FOXP2: variants seen among roughly 807,000 people sequenced by gnomAD.
FOXP2 encodes forkhead box protein P2.
In FOXP2, 12 loss-of-function variants were observed where a neutral mutation model predicts 115.8. The observed-to-expected ratio is 0.10, with a 90% CI of 0.07 to 0.17. The LOEUF is 0.17. Ranked by LOEUF, FOXP2 falls within the 10% of genes least tolerant of loss-of-function variation. FOXP2 has a pLI of 1.00. For synonymous variants in FOXP2, 328 were observed against 297.7 expected, an observed-to-expected ratio of 1.10 and a Z score of -1.05; for missense variants, 629 against 843.5, an observed-to-expected ratio of 0.75 and a Z score of 3.15.
At chr7:114,156,106 GCA>G (rs1792660592) in intron 1 of FOXP2, among the ~76,000 whole-genome samples, 2 of 152,016 alleles carry the variant, frequency 1.3e-5, no homozygotes, top group African/African-American at 4.8e-5. Flanking sequence ...GCCTCTTAAT[GCA>G]CATGCTTCCT....
At chr7:114,562,920 T>A (rs1189504689) in intron 3 of FOXP2, among the ~76,000 whole-genome samples, 1 of 152,156 alleles carries the variant, frequency 6.6e-6, no homozygotes, top group Non-Finnish European at 1.5e-5. Context: ...TACCTGAGAC[T>A]GGGTAACTTA....
chr7:114,191,566 A>G (rs758738682), intron 1 of FOXP2, among the ~76,000 whole-genome samples: 76 of 152,352 alleles, frequency 5.0e-4, no homozygotes, highest in Non-Finnish European at 8.1e-4. Flanking sequence ...CTGAAGAATT[A>G]TGAACATATA....
At chr7:114,295,312 A>C (rs1796715891) in intron 2 of FOXP2, among the ~76,000 whole-genome samples, 1 of 152,200 alleles carries the variant, frequency 6.6e-6, no homozygotes. Context: ...TTTTCATGGC[A>C]TCTAACAGTA....
In FOXP2 at chr7:114,663,381, G is replaced by A. The variant is rs938816834; in HGVS notation, c.1770-69G>A. The A allele has an allele frequency of 3.4e-4, 388 of 1,142,226 alleles. 2 individuals carry two copies. The highest frequency in any genetic ancestry group is 7.7e-5 in the African/African-American group (5 of 65,040). The allele number at this position is 1,142,226 out of a possible 1,614,324, so 70.8% of individuals were successfully genotyped here. ...AGACAAGCCAGAACATACCTTTATA[G>A]CTGAGACTATTGATATCCACGTTTT... On this transcript the variant is annotated intron_variant, in intron 14 of 16. Transcript: ENST00000350908.
intron 1 of FOXP2, among the ~76,000 whole-genome samples, chr7:114,123,930 A>G (rs1028538371): frequency 6.6e-6 from 1 of 152,062 alleles, no homozygotes; most frequent in African/African-American, 2.4e-5. Flanking sequence ...TATATTAAAA[A>G]ACTTTTGACA....
intron 1 of FOXP2, among the ~76,000 whole-genome samples, chr7:114,230,847 G>A (rs1420887719): frequency 3.3e-5 from 5 of 151,742 alleles, no homozygotes; most frequent in African/African-American, 1.2e-4. Flanking sequence ...ATTCAACACA[G>A]TACTCATAGT....
At chr7:114,384,463 AT>A (rs1402355245) in intron 2 of FOXP2, among the ~76,000 whole-genome samples, 1 of 152,032 alleles carries the variant, frequency 6.6e-6, no homozygotes, top group Non-Finnish European at 1.5e-5. Context: ...TTCTTAGGCA[AT>A]TTTTTAACTC....
intron 2 of FOXP2, among the ~76,000 whole-genome samples, chr7:114,359,240 G>A (rs1396281525): frequency 6.6e-6 from 1 of 152,212 alleles, no homozygotes; most frequent in Non-Finnish European, 1.5e-5. Context: ...TGCTGAGCCT[G>A]CAAGTGCACA....
At chr7:114,627,937 C>CATAT (rs1429769742) in intron 3 of FOXP2, among the ~76,000 whole-genome samples, 2 of 151,576 alleles carry the variant, frequency 1.3e-5, no homozygotes, top group African/African-American at 4.9e-5. Flanking sequence ...GACACACACA[C>CATAT]ACATATATAT....
intron 1 of FOXP2, among the ~76,000 whole-genome samples, chr7:114,144,946 A>G (rs1019414591): frequency 6.6e-6 from 1 of 152,180 alleles, no homozygotes; most frequent in African/African-American, 2.4e-5. Flanking sequence ...CTCTTCTGTT[A>G]GTTGCCTTGT....
At chr7:114,106,999 G>T (rs375589987) in intron 1 of FOXP2, among the ~76,000 whole-genome samples, 2 of 152,042 alleles carry the variant, frequency 1.3e-5, no homozygotes, top group East Asian at 3.9e-4. Flanking sequence ...CCTACTTTCT[G>T]TGTGTCATTT....
At chr7:114,466,157 C>G (rs1253444287) in intron 2 of FOXP2, among the ~76,000 whole-genome samples, 1 of 152,184 alleles carries the variant, frequency 6.6e-6, no homozygotes, top group Non-Finnish European at 1.5e-5. Flanking sequence ...TTCCAAACCT[C>G]AGTTCCTCAC....
intron 3 of FOXP2, among the ~76,000 whole-genome samples, chr7:114,625,866 C>A (rs1471790616): frequency 6.6e-6 from 1 of 151,520 alleles, no homozygotes; most frequent in Non-Finnish European, 1.5e-5. Context: ...TGTTAGAAAA[C>A]CCTCAGAAGT....
intron 3 of FOXP2, among the ~76,000 whole-genome samples, chr7:114,550,112 C>CTTTTTTT (rs941573098): frequency 4.5e-4 from 46 of 103,278 alleles, no homozygotes; most frequent in African/African-American, 8.1e-4. Flanking sequence ...CCTTTCTTTT[C>CTTTTTTT]TTTTTTTTTT....
chr7:114,453,598 C>T (rs932669255), intron 2 of FOXP2, among the ~76,000 whole-genome samples: 1 of 152,126 alleles, frequency 6.6e-6, no homozygotes, highest in African/African-American at 2.4e-5. Flanking sequence ...CTCAGTTGGT[C>T]TTACTTCCTG....
chr7:114,645,128 TAATATATATATATATATATATA>T (rs1805807709), intron 8 of FOXP2: 1 of 84,706 alleles, frequency 1.2e-5, no homozygotes, highest in Non-Finnish European at 2.3e-5. Flanking sequence ...TGAGTCATCC[TAATATATATATATATATATATA>T]TATATATATA....
At chr7:114,598,708 A>G (rs892603361) in intron 3 of FOXP2, among the ~76,000 whole-genome samples, 2 of 152,154 alleles carry the variant, frequency 1.3e-5, no homozygotes, top group Non-Finnish European at 2.9e-5. Context: ...GAACTTTTTC[A>G]TCTTGCAAAA....
intron 2 of FOXP2, among the ~76,000 whole-genome samples, chr7:114,328,443 A>T (rs1341231995): frequency 6.6e-6 from 1 of 151,642 alleles, no homozygotes; most frequent in East Asian, 2.0e-4. Flanking sequence ...TCACCGTGTT[A>T]GCCAGGATGG....
chr7:114,144,956 T>G (rs1262334960), intron 1 of FOXP2, among the ~76,000 whole-genome samples: 1 of 152,186 alleles, frequency 6.6e-6, no homozygotes, highest in Non-Finnish European at 1.5e-5. Context: ...AGTTGCCTTG[T>G]TGGAGCAATC....
Sources: gnomAD v4.1 joint callset for allele counts (sites outside exome capture counted in the v4.1 genomes callset) on GRCh38, gnomAD v4.1.1 for gene constraint, MANE v1.5 for transcripts, NCBI Gene and HGNC (gene_info 2026-07-23, HGNC 2026-07-21) for gene names.